The following STOX1 variants were observed in gnomAD, a reference collection of about 807,000 sequenced individuals.
The protein encoded by STOX1 is storkhead-box protein 1.
A neutral mutation model predicts 74.8 loss-of-function variants in STOX1; 57 were observed. That is an observed-to-expected ratio of 0.76 (90% CI 0.62 to 0.95). The LOEUF (loss-of-function observed/expected upper bound fraction) is 0.95. STOX1 is among the 40% of genes least tolerant of loss of function. The pLI, the probability that STOX1 is intolerant of heterozygous loss-of-function variation, is 0.00. For missense variants in STOX1, 1,010 were observed against 1,117.0 expected (o/e 0.90, Z 1.37); for synonymous variants, 375 against 401.3 (o/e 0.93, Z 0.78).
intron 1 of STOX1, among the ~76,000 whole-genome samples, chr10:68,831,135 T>C (rs1419115190): frequency 3.9e-5 from 6 of 152,192 alleles, no homozygotes; most frequent in Admixed American, 3.3e-4. Context: ...AGCAAAATGC[T>C]AGAAAAGGAC....
chr10:68,848,654 T>C (rs1367012254), intron 1 of STOX1, among the ~76,000 whole-genome samples: 1 of 152,136 alleles, frequency 6.6e-6, no homozygotes, highest in Non-Finnish European at 1.5e-5. Context: ...TCAGTGAATG[T>C]GAGCAGTTTG....
intron 1 of STOX1, among the ~76,000 whole-genome samples, chr10:68,855,140 T>TAA (rs1840088489): frequency 8.1e-6 from 1 of 123,506 alleles, no homozygotes; most frequent in Non-Finnish European, 1.7e-5. Context: ...TTTTTTTTTT[T>TAA]GAGATAGTCT....
intron 1 of STOX1, among the ~76,000 whole-genome samples, chr10:68,876,077 T>A (rs1484998814): frequency 6.6e-6 from 1 of 150,918 alleles, no homozygotes; most frequent in Non-Finnish European, 1.5e-5. Context: ...TTTTTTTTTT[T>A]GTGGCGGTGA....
chr10:68,886,589 G>A lies in STOX1; in HGVS notation c.2793G>A (p.Met931Ile). The change falls in exon 3 of 4, where the codon ATG becomes ATA. Residue 931 changes from methionine (M) to isoleucine (I), a missense_variant. Physicochemically the swap from Met to Ile is conservative, Grantham distance 10 (BLOSUM62 1). Coordinates refer to ENST00000298596, the MANE Select transcript of STOX1 (RefSeq NM_152709.5). The part of the protein sequence containing the change: ...SHLEGTENHS[M>I]AGDSGIDSPR... ...TGGAAGGGACAGAAAATCACAGCAT[G>A]GCAGGAGATAGTGGAATAGATTCTC... is the stretch of plus-strand genomic sequence containing the variant. 1 of 1,614,140 alleles carries A rather than the reference G, an allele frequency of 6.2e-7. No individual in the cohort carries two copies. Among genetic ancestry groups the A allele is most frequent in the African/African-American group, 1.3e-5 (1 of 75,046 alleles).
intron 3 of STOX1, 68 bp from the exon 4 acceptor site, chr10:68,892,520 TA>T: frequency 7.0e-7 from 1 of 1,429,676 alleles, no homozygotes; most frequent in East Asian, 2.3e-5. Flanking sequence ...CAAATGGAAG[TA>T]TAATGCCTTG....
chr10:68,875,952 TG>T (rs1294063991), intron 1 of STOX1, among the ~76,000 whole-genome samples: 8 of 152,262 alleles, frequency 5.3e-5, no homozygotes, highest in Admixed American at 1.3e-4. Flanking sequence ...ATTTGTGAAT[TG>T]GGCATCCACA....
chr10:68,851,424 T>TA (rs937587688), intron 1 of STOX1, among the ~76,000 whole-genome samples: 5 of 152,130 alleles, frequency 3.3e-5, no homozygotes, highest in Non-Finnish European at 5.9e-5. Flanking sequence ...ATTGTGGTAG[T>TA]AAAAAAAATC....
chr10:68,869,086 T>G (rs1330818589), intron 1 of STOX1, among the ~76,000 whole-genome samples: 2 of 152,232 alleles, frequency 1.3e-5, no homozygotes, highest in Non-Finnish European at 2.9e-5. Context: ...AGTCTGGCTC[T>G]TCTTCCTCGT....
chr10:68,856,841 G>A (rs1019366775), intron 1 of STOX1, among the ~76,000 whole-genome samples: 2 of 152,026 alleles, frequency 1.3e-5, no homozygotes, highest in Non-Finnish European at 2.9e-5. Context: ...TCCCACCTGG[G>A]GAGGACAGCA....
At chr10:68,882,147 G>T (rs1210441989) in intron 2 of STOX1, 37 bp downstream of exon 2, 1 of 1,590,554 alleles carries the variant, frequency 6.3e-7, no homozygotes, top group East Asian at 2.2e-5. Context: ...GTACTTCACT[G>T]TATGTGTTTG....
chr10:68,845,897 C>A (rs1202323098), intron 1 of STOX1, among the ~76,000 whole-genome samples: 1 of 151,806 alleles, frequency 6.6e-6, no homozygotes, highest in Non-Finnish European at 1.5e-5. Context: ...CCACCGCACC[C>A]AGCCCCAATT....
chr10:68,885,542 C>T lies in STOX1; in HGVS notation c.1746C>T (p.Leu582=), dbSNP rs774525201. ...TCAATGATGACTTCAGAGGTCACCTCTTCAGTCACCCTCAACAGAGCATGT... is the reference window on the plus strand; with the variant it reads ...TCAATGATGACTTCAGAGGTCACCTTTTCAGTCACCCTCAACAGAGCATGT... The part of the protein sequence containing the change: ...KPINDDFRGH[L]FSHPQQSMLQ... The change falls in exon 3 of 4, where the codon CTC becomes CTT. Residue 582 remains leucine, a synonymous_variant. Coordinates refer to ENST00000298596, the MANE Select transcript of STOX1 (RefSeq NM_152709.5). 1.2e-6 allele frequency: 2 copies of T among 1,614,100 alleles called. No homozygotes were observed. The highest frequency in any genetic ancestry group is 2.7e-5 in the African/African-American group (2 of 74,922).
rs117657934 is a variant in STOX1, at chr10:68,884,080, A to G, written c.464-180A>G. 0.057 allele frequency among the ~76,000 whole-genome samples: 8,719 copies of G among 152,206 alleles called. 308 individuals carry two copies. Among genetic ancestry groups the G allele is most frequent in the Middle Eastern group, 0.099 (29 of 294 alleles). On this transcript the variant is annotated intron_variant, in intron 2 of 3. Transcript: ENST00000298596. ...GTGATCCTCCTGCCTCAGCCTCCCAAAACTCTGGGATTATAGGCATGAGCC... is the reference window on the plus strand; with the variant it reads ...GTGATCCTCCTGCCTCAGCCTCCCAGAACTCTGGGATTATAGGCATGAGCC...
In STOX1 at chr10:68,885,274, T is replaced by C. The variant is rs1840915145; in HGVS notation, c.1478T>C (p.Ile493Thr). ...TCCCATTTGATTTACAAAAAGCGAA[T>C]CAGTAATCCTTTCCAGGGTTTGTCT... Reference protein sequence around the residue: ...LGSHLIYKKRISNPFQGLSHR... With the variant: ...LGSHLIYKKRTSNPFQGLSHR... The change falls in exon 3 of 4, where the codon ATC becomes ACC. Residue 493 changes from isoleucine to threonine, a missense_variant. Physicochemically the swap from Ile to Thr is moderately conservative, Grantham distance 89. Coordinates refer to ENST00000298596, the MANE Select transcript of STOX1 (RefSeq NM_152709.5). 2 of 1,614,058 alleles carry C rather than the reference T, an allele frequency of 1.2e-6. No homozygotes were observed. The highest frequency in any genetic ancestry group is 1.7e-5 in the Admixed American group (1 of 59,992).
chr10:68,852,585 CT>C (rs893406654), intron 1 of STOX1, among the ~76,000 whole-genome samples: 71 of 144,818 alleles, frequency 4.9e-4, no homozygotes, highest in South Asian at 6.6e-4. Context: ...ATTTTTTTGT[CT>C]TTTTTTTTTT....
intron 1 of STOX1, chr10:68,846,994 G>C (rs1435126179): frequency 6.6e-6 from 1 of 152,176 alleles, no homozygotes. Context: ...CTGAGCTATG[G>C]AAGCAGTATA....
In STOX1 at chr10:68,886,470, G is replaced by A; in HGVS notation, c.2674G>A (p.Glu892Lys). The A allele has an allele frequency of 1.9e-6, 3 of 1,614,036 alleles. No homozygotes were observed. The South Asian group carries it at 3.3e-5, about 18-fold the overall frequency. Residue 892 changes from glutamate to lysine, a missense_variant, in exon 3 of 4, where the codon GAA (glutamate) becomes AAA (lysine). Physicochemically the swap from Glu to Lys is moderately conservative, Grantham distance 56. Coordinates refer to ENST00000298596, the MANE Select transcript of STOX1 (RefSeq NM_152709.5). ...ASWSQSPQNQ[E>K]MRKHFPQKFQ... ...CTGGAGTCAGAGTCCTCAGAATCAG[G>A]AAATGAGAAAACATTTCCCACAAAA... is the stretch of plus-strand genomic sequence containing the variant.
chr10:68,853,363 C>T (rs1395569310), intron 1 of STOX1, among the ~76,000 whole-genome samples: 3 of 152,168 alleles, frequency 2.0e-5, no homozygotes, highest in Non-Finnish European at 2.9e-5. Context: ...TCTTAGCTCA[C>T]CCTCCAAGGC....
intron 1 of STOX1, among the ~76,000 whole-genome samples, chr10:68,844,294 CTTTTTTTTTTTT>C (rs777175392): frequency 9.6e-6 from 1 of 104,706 alleles, no homozygotes; most frequent in African/African-American, 3.7e-5. Context: ...TCTGGATCTT[CTTTTTTTTTTTT>C]TTTTTTTTTG....
Sources: allele counts gnomAD v4.1 joint callset (sites outside exome capture counted in the v4.1 genomes callset), GRCh38; gene constraint gnomAD v4.1.1; transcripts MANE v1.5; gene names NCBI Gene and HGNC (gene_info 2026-07-23, HGNC 2026-07-21).